PBRM1: variants seen among roughly 807,000 people sequenced by gnomAD.
PBRM1 encodes protein polybromo-1.
PBRM1 carries 27 observed loss-of-function variants against 194.5 expected under a neutral mutation model. The ratio of observed to expected loss-of-function variants is 0.14; its 90% CI spans 0.10 to 0.19. PBRM1 has a LOEUF of 0.19. Among genes scored for constraint, PBRM1 ranks in the 10% least tolerant of loss-of-function variants. The pLI, the probability that PBRM1 is intolerant of heterozygous loss-of-function variation, is 1.00. For synonymous variants in PBRM1, 655 were observed against 693.2 expected (o/e 0.94, Z 0.87); for missense variants, 1,466 against 2,077.2 (o/e 0.71, Z 5.72).
exon 2 of PBRM1, chr3:52,678,523 G>A (rs2154057238): frequency 6.2e-7 from 1 of 1,612,858 alleles, no homozygotes. Flanking sequence ...CCCTAATGAA[G>A]AGCTCACAGA....
downstream of PBRM1, chr3:52,545,819 G>A (rs910559190): frequency 5.2e-5 from 12 of 232,890 alleles, no homozygotes; most frequent in Admixed American, 3.4e-4. Context: ...TGAAAAAAAG[G>A]TGTATAGTTT....
At chr3:52,617,011 A>G (rs912730015) in intron 14 of PBRM1, among the ~76,000 whole-genome samples, 5 of 152,202 alleles carry the variant, frequency 3.3e-5, no homozygotes, top group African/African-American at 1.2e-4. Flanking sequence ...GAGGCTCAGG[A>G]AGGATAAATT....
At chr3:52,585,750 C>T (rs977104546) in intron 20 of PBRM1, 14 of 152,094 alleles carry the variant, frequency 9.2e-5, no homozygotes, top group Admixed American at 6.6e-4. Context: ...GTCTCGAACT[C>T]CTGACCTCAG....
At chr3:52,547,097 A>T (rs1055492979), downstream of PBRM1, 2 of 233,040 alleles carry the variant, frequency 8.6e-6, no homozygotes, top group African/African-American at 4.4e-5. Context: ...GTTTAAAAAT[A>T]AATCACCTCC....
At chr3:52,621,519 A>G (rs1228584718) in intron 13 of PBRM1, among the ~76,000 whole-genome samples, 1 of 152,142 alleles carries the variant, frequency 6.6e-6, no homozygotes, top group Non-Finnish European at 1.5e-5. Flanking sequence ...GAATTTCTCA[A>G]TGTCTTTTCC....
At chr3:52,631,874 A>G (rs764471114) in intron 11 of PBRM1, among the ~76,000 whole-genome samples, 1 of 152,232 alleles carries the variant, frequency 6.6e-6, no homozygotes, top group Non-Finnish European at 1.5e-5. Flanking sequence ...TGTACAGGTA[A>G]TATCAAAATT....
upstream of PBRM1, chr3:52,681,387 T>G (rs2097202409): frequency 6.6e-6 from 1 of 152,216 alleles, no homozygotes; most frequent in East Asian, 1.9e-4. Flanking sequence ...AGGCTTCGGT[T>G]TGTTATACAG....
intron 13 of PBRM1, among the ~76,000 whole-genome samples, chr3:52,626,764 A>T (rs1312485241): frequency 6.6e-6 from 1 of 152,206 alleles, no homozygotes; most frequent in Non-Finnish European, 1.5e-5. Flanking sequence ...CTAGCTCAAC[A>T]TTTTATGAGC....
chr3:52,550,841 C>A, intron 27 of PBRM1, 24 bp from the exon 30 acceptor site: 2 of 1,486,904 alleles, frequency 1.3e-6, no homozygotes, highest in Non-Finnish European at 1.9e-6. Context: ...TGCAATGGCA[C>A]AGTTAGAGGC....
rs370360003 is a variant in PBRM1, at chr3:52,662,294, G to C, written c.385-18C>G. The C allele has an allele frequency of 1.1e-5, 13 of 1,215,750 alleles. No homozygotes were observed. In the Admixed American group the frequency reaches 1.6e-4, roughly 15 times the overall value. The allele number at this position is 1,215,750 out of a possible 1,614,324, so 75.3% of individuals were successfully genotyped here. A position where few individuals can be genotyped will look rare whatever the true frequency, so the allele number is the denominator to read the frequency against. ...GAATCTGGCTGTATGTTAGCAAAGA[G>C]AAAAAAAAAAACACTTTAGTAATGT... On this transcript the variant is annotated intron_variant, in intron 3 of 29. Coordinates refer to ENST00000296302, the Ensembl canonical transcript of PBRM1.
Position 52,642,047 on chromosome 3 carries a change from TACAA to T in PBRM1, c.996-6_996-3del. 7.4e-7 allele frequency: 1 copy of T among 1,352,258 alleles called. No individual in the cohort carries two copies. The allele number at this position is 1,352,258 out of a possible 1,614,324, so 83.8% of individuals were successfully genotyped here. ...CCTCCTTGTACTGCTCTTTTATTACTACAAAAAAAAAAAAAGCAATTAGACAGGG... is the reference window on the plus strand; with the variant it reads ...CCTCCTTGTACTGCTCTTTTATTACTAAAAAAAAAAAGCAATTAGACAGGG... On this transcript the variant is annotated splice_polypyrimidine_tract_variant and splice_region_variant and intron_variant, in intron 9 of 29. Transcript: ENST00000296302.
rs1189318541 is a variant in PBRM1 at position 52,674,643 on chromosome 3, A to AATAT, written c.236+3853_236+3856dup. Among the ~76,000 whole-genome samples, 212 of 72,364 alleles carry AATAT rather than the reference A, an allele frequency of 2.9e-3. 3 individuals are homozygous for AATAT. The highest frequency in any genetic ancestry group is 0.018 in the Middle Eastern group (2 of 112). 47.5% of individuals were successfully genotyped at this position (72,364 alleles called of 152,430 possible). A position where few individuals can be genotyped will look rare whatever the true frequency, so the allele number is the denominator to read the frequency against. The stretch of plus-strand genomic sequence containing the variant: ...TGTCTCTACCAAAAAAAAAAAAAAA[A>AATAT]ATATATATATATATATATATATACA... On this transcript the variant is annotated intron_variant, in intron 2 of 29. Transcript: ENST00000296302.
In PBRM1 at chr3:52,678,610, A is replaced by C. The variant is rs201248850; in HGVS notation, c.139-13T>G. 3 of 1,530,008 alleles carry C rather than the reference A, an allele frequency of 2.0e-6. No homozygotes were observed. The highest frequency in any genetic ancestry group is 1.8e-6 in the Non-Finnish European group (2 of 1,105,076). 94.8% of individuals were successfully genotyped at this position (1,530,008 alleles called of 1,614,324 possible). On this transcript the variant is annotated splice_polypyrimidine_tract_variant and intron_variant, in intron 1 of 29. Coordinates refer to ENST00000296302, the Ensembl canonical transcript of PBRM1. ...GGCACACGGCAATCTACACATTAGC[A>C]AAGGAGAAAAAAATCACTAAAAAAG...
chr3:52,548,499 T>G (rs187161131), intron 29 of PBRM1, among the ~76,000 whole-genome samples: 2 of 152,050 alleles, frequency 1.3e-5, no homozygotes, highest in Non-Finnish European at 2.9e-5. Flanking sequence ...CGATCTCAGC[T>G]CACTGCAACC....
At chr3:52,643,332 T>C (rs1321002922) in exon 9 of PBRM1, 4 of 1,611,762 alleles carry the variant, frequency 2.5e-6, no homozygotes, top group African/African-American at 1.3e-5. Flanking sequence ...TGCAGCCAAG[T>C]TGGATGGAGT....
upstream of PBRM1, chr3:52,682,212 T>C (rs1229607234): frequency 6.6e-6 from 1 of 152,044 alleles, no homozygotes; most frequent in African/African-American, 2.4e-5. Flanking sequence ...GAGGCTCACA[T>C]GTGACACCAA....
chr3:52,683,388 CA>C (rs1401072870), upstream of PBRM1, among the ~76,000 whole-genome samples: 1 of 147,418 alleles, frequency 6.8e-6, no homozygotes, highest in Non-Finnish European at 1.5e-5. Flanking sequence ...AAAAAAAAAA[CA>C]ACATAAAGTG....
intron 16 of PBRM1, among the ~76,000 whole-genome samples, chr3:52,605,028 A>C (rs1179839523): frequency 2.6e-5 from 4 of 151,880 alleles, no homozygotes; most frequent in Admixed American, 2.6e-4. Flanking sequence ...TTCAGACTTT[A>C]GAATTTTGAC....
intron 15 of PBRM1, among the ~76,000 whole-genome samples, chr3:52,613,433 T>C (rs11709448): frequency 0.34 from 51,077 of 151,038 alleles, 9,627 homozygotes; most frequent in Admixed American, 0.46. Flanking sequence ...CCTCGTGGGC[T>C]CAAGCAATCC....
Sources: allele counts gnomAD v4.1 joint callset (sites outside exome capture counted in the v4.1 genomes callset), GRCh38; gene constraint gnomAD v4.1.1; transcripts MANE v1.5; gene names NCBI Gene and HGNC (gene_info 2026-07-23, HGNC 2026-07-21).